CFAP69: variants seen among roughly 807,000 people sequenced by gnomAD.
CFAP69 encodes cilia- and flagella-associated protein 69.
Under a neutral mutation model 123.0 loss-of-function variants are expected in CFAP69, and 92 were observed. The observed-to-expected ratio is 0.75, with a 90% confidence interval of 0.63 to 0.89. CFAP69 has a LOEUF of 0.89. CFAP69 is among the 40% of genes least tolerant of loss of function. The pLI is 0.00. For synonymous variants in CFAP69, 380 were observed against 364.3 expected, an observed-to-expected ratio of 1.04 and a Z score of -0.49; for missense variants, 1,067 against 1,096.9, an observed-to-expected ratio of 0.97 and a Z score of 0.39.
chr7:90,262,109 T>C (rs376921185), intron 4 of CFAP69, 53 bp downstream of exon 4: 1 of 1,163,358 alleles, frequency 8.6e-7, no homozygotes, highest in Middle Eastern at 1.9e-4. Flanking sequence ...TATTTTATTA[T>C]GTTTCTTATA....
At chr7:90,304,950 C>A in intron 19 of CFAP69, 130 bp downstream of exon 19, 1 of 693,112 alleles carries the variant, frequency 1.4e-6, no homozygotes, top group Non-Finnish European at 2.2e-6. Flanking sequence ...CATTTTGCAT[C>A]TGATGCTGTT....
chr7:90,258,466 A>AC (rs1797919720), intron 3 of CFAP69, among the ~76,000 whole-genome samples: 1 of 151,626 alleles, frequency 6.6e-6, no homozygotes, highest in Admixed American at 6.6e-5. Flanking sequence ...TCTTCCCCCC[A>AC]CTGGCATCAC....
chr7:90,307,761 A>G lies in CFAP69; in HGVS notation c.2464-7A>G. Reference sequence around the variant, plus strand: ...AAACTGAAACTTAATTATCTTTCTCATTTCAGATACAGGCCACGCACAAGC... The same window carrying G: ...AAACTGAAACTTAATTATCTTTCTCGTTTCAGATACAGGCCACGCACAAGC... On this transcript the variant is annotated splice_polypyrimidine_tract_variant and splice_region_variant and intron_variant, in intron 20 of 22. Transcript: ENST00000389297. 1 of 1,560,856 alleles carries G rather than the reference A, an allele frequency of 6.4e-7. No homozygotes were observed. Among genetic ancestry groups the G allele is most frequent in the Non-Finnish European group, 8.7e-7 (1 of 1,154,212 alleles).
In CFAP69 at chr7:90,279,680, T is replaced by C. The variant is rs201923413; in HGVS notation, c.1159T>C (p.Leu387=). The C allele has an allele frequency of 4.4e-6, 7 of 1,597,844 alleles. No homozygotes were observed. The Admixed American group carries it at 1.2e-4, about 28-fold the overall frequency. The change falls in exon 12 of 23, where the codon TTA becomes CTA. Residue 387 remains leucine (L), a synonymous_variant. Coordinates refer to ENST00000389297, the MANE Select transcript of CFAP69 (RefSeq NM_001039706.3). ...TATCCTTTGTTCTTTCTCACAGCTA[T>C]TAATTGATGGCAAAGTTATTTTGGC... ...LCKDLPTVQL[L]IDGKVILALF...
intron 1 of CFAP69, among the ~76,000 whole-genome samples, chr7:90,254,347 G>A (rs1399293447): frequency 6.6e-6 from 1 of 152,018 alleles, no homozygotes. Flanking sequence ...TTGGATGATA[G>A]TACCCATTTC....
At chr7:90,280,769 G>T (rs1191463972) in intron 12 of CFAP69, among the ~76,000 whole-genome samples, 1 of 152,124 alleles carries the variant, frequency 6.6e-6, no homozygotes, top group Non-Finnish European at 1.5e-5. Context: ...AGTTTTATAA[G>T]GAAGATATTG....
At chr7:90,306,166 G>A (rs1381089274) in intron 19 of CFAP69, among the ~76,000 whole-genome samples, 2 of 151,788 alleles carry the variant, frequency 1.3e-5, no homozygotes, top group Non-Finnish European at 2.9e-5. Context: ...TGCTCAGGCT[G>A]CCTTCAAACT....
intron 15 of CFAP69, among the ~76,000 whole-genome samples, chr7:90,289,430 C>CTT (rs142692373): frequency 2.0e-5 from 3 of 152,028 alleles, no homozygotes; most frequent in Middle Eastern, 3.4e-3. Flanking sequence ...TTTAAATAGC[C>CTT]TTTTTTTGTG....
At chr7:90,317,927 C>T in the CFAP69 span, 1 of 152,132 alleles carries the variant, frequency 6.6e-6, no homozygotes, top group African/African-American at 2.4e-5. Context: ...ACTGTGAAAA[C>T]CTATGGGTGA....
At chr7:90,283,078 T>C (rs1387120600) in intron 13 of CFAP69, 22 bp downstream of exon 13, 1 of 1,455,498 alleles carries the variant, frequency 6.9e-7, no homozygotes, top group Non-Finnish European at 9.1e-7. Flanking sequence ...CATGGTGGTT[T>C]ACTGATGAAA....
At chr7:90,322,478 A>G in the CFAP69 span, 8 of 152,174 alleles carry the variant, frequency 5.3e-5, no homozygotes, top group Non-Finnish European at 1.0e-4. Context: ...CTGTTTTCCA[A>G]TGTGACTTAA....
At chr7:90,247,931 A>T (rs1186802075) in intron 1 of CFAP69, among the ~76,000 whole-genome samples, 1 of 152,276 alleles carries the variant, frequency 6.6e-6, no homozygotes, top group South Asian at 2.1e-4. Context: ...AGACCTATAT[A>T]TATAATTGAA....
chr7:90,308,985 A>T (rs1481276006), intron 21 of CFAP69, among the ~76,000 whole-genome samples: 1 of 152,130 alleles, frequency 6.6e-6, no homozygotes, highest in Non-Finnish European at 1.5e-5. Flanking sequence ...TGATTTCTTC[A>T]GGATCTGCTT....
chr7:90,248,770 C>T (rs949057835), intron 1 of CFAP69, among the ~76,000 whole-genome samples: 6 of 152,226 alleles, frequency 3.9e-5, no homozygotes, highest in African/African-American at 9.6e-5. Flanking sequence ...TCATACTTTT[C>T]CAGTTTCGAA....
intron 6 of CFAP69, chr7:90,268,953 G>A (rs1366932155): frequency 6.6e-6 from 1 of 151,928 alleles, no homozygotes; most frequent in Non-Finnish European, 1.5e-5. Flanking sequence ...AAGGGAGAGA[G>A]GATATAAACA....
the CFAP69 span, chr7:90,318,140 C>T: frequency 2.0e-5 from 3 of 152,126 alleles, no homozygotes; most frequent in African/African-American, 7.2e-5. Flanking sequence ...TAATCTAAAC[C>T]GTAACTCCAT....
At position 90,256,057 on chromosome 7, in the gene CFAP69, C is replaced by T. The variant is rs530766838; in HGVS notation, c.180+575C>T. Among the ~76,000 whole-genome samples the T allele has an allele frequency of 3.9e-5, 6 of 152,282 alleles. No individual in the cohort carries two copies. In the East Asian group the frequency reaches 5.8e-4, roughly 15 times the overall value. Reference sequence around the variant, plus strand: ...TCGACTGAATGCCTAAAAGCCAGCACACGCTAGGAACTTATGTGGTGATTT... The same window carrying T: ...TCGACTGAATGCCTAAAAGCCAGCATACGCTAGGAACTTATGTGGTGATTT... On this transcript the variant is annotated intron_variant, in intron 2 of 22. Coordinates refer to ENST00000389297, the MANE Select transcript of CFAP69 (RefSeq NM_001039706.3).
At chr7:90,282,415 C>T (rs1789627566) in intron 12 of CFAP69, among the ~76,000 whole-genome samples, 2 of 152,240 alleles carry the variant, frequency 1.3e-5, no homozygotes, top group Admixed American at 6.5e-5. Flanking sequence ...AACAATTTAG[C>T]ACCTTTAGTA....
At chr7:90,280,028 T>C in intron 12 of CFAP69, 135 bp downstream of exon 12, 1 of 588,880 alleles carries the variant, frequency 1.7e-6, no homozygotes, top group Non-Finnish European at 2.6e-6. Context: ...ATCTTCTTAA[T>C]GTATTTATAT....
Sources: gnomAD v4.1 joint callset for allele counts (sites outside exome capture counted in the v4.1 genomes callset) on GRCh38, gnomAD v4.1.1 for gene constraint, MANE v1.5 for transcripts, NCBI Gene and HGNC (gene_info 2026-07-23, HGNC 2026-07-21) for gene names.